Variants in PRAMEF11 observed in about 807,000 individuals in gnomAD.
PRAMEF11 encodes the protein PRAME family member 11.
PRAMEF11 carries 17 observed loss-of-function variants against 33.6 expected under a neutral mutation model. That is an observed-to-expected ratio of 0.51 (90% CI 0.35 to 0.76). The LOEUF (loss-of-function observed/expected upper bound fraction) is 0.76, where lower values mean the gene tolerates loss of function less well. PRAMEF11 is among the 30% of genes least tolerant of loss of function. The probability of loss-of-function intolerance (pLI) is 0.01; values close to 1 mark genes in which losing one functional copy is unlikely to be tolerated. For synonymous variants in PRAMEF11, 205 were observed against 227.3 expected (o/e 0.90, Z 0.88); for missense variants, 568 against 567.0 (o/e 1.00, Z -0.02).
At chr1:12,826,365 A>C (rs533805890) in intron 3 of PRAMEF11, among the ~76,000 whole-genome samples, 1 of 151,316 alleles carries the variant, frequency 6.6e-6, no homozygotes, top group South Asian at 2.1e-4. Flanking sequence ...CATGTTCACC[A>C]AACTGTGGGG....
intron 3 of PRAMEF11, among the ~76,000 whole-genome samples, chr1:12,826,186 C>A (rs1235176223): frequency 6.6e-6 from 1 of 151,072 alleles, no homozygotes; most frequent in Non-Finnish European, 1.5e-5. Context: ...GGTGGGCAGG[C>A]TGCAGGCGTC....
In PRAMEF11 at chr1:12,829,530, A is replaced by G. The variant is rs1205309369; in HGVS notation, c.-16-725T>C. Among the ~76,000 whole-genome samples the G allele has an allele frequency of 2.0e-5, 3 of 151,118 alleles. 1 individual carries two copies. Among genetic ancestry groups the G allele is most frequent in the Admixed American group, 6.6e-5 (1 of 15,092 alleles). On this transcript the variant is annotated intron_variant, in intron 1 of 3. Transcript: ENST00000619922. ...ATTCTTCCTCCTCAGCCTCTCAAGT[A>G]GCTGGGACCACAGTTATGCATCACC... is the stretch of plus-strand genomic sequence containing the variant.
chr1:12,828,473 AC>A (rs1294574374), intron 2 of PRAMEF11, 23 bp downstream of exon 2: 1 of 1,586,774 alleles, frequency 6.3e-7, no homozygotes, highest in East Asian at 2.3e-5. Flanking sequence ...GGCCCTCCCC[AC>A]CAGCCCACCT....
chr1:12,826,388 T>A lies in PRAMEF11; in HGVS notation c.875+861A>T, dbSNP rs561126555. ...CCAAACTGTGGGGCACAAAGCTGATTTTCTGACATGTGCAGGTTTGCTGAG... is the reference window on the plus strand; with the variant it reads ...CCAAACTGTGGGGCACAAAGCTGATATTCTGACATGTGCAGGTTTGCTGAG... On this transcript the variant is annotated intron_variant, in intron 3 of 3. Transcript: ENST00000619922. Among the ~76,000 whole-genome samples, 204 of 147,122 alleles carry A rather than the reference T, an allele frequency of 1.4e-3. 3 individuals carry two copies. The Middle Eastern group carries it at 0.014, about 10-fold the overall frequency.
intron 1 of PRAMEF11, 89 bp from the exon 2 acceptor site, chr1:12,828,894 T>A: frequency 3.2e-6 from 5 of 1,568,950 alleles, no homozygotes; most frequent in Non-Finnish European, 4.4e-6. Flanking sequence ...GTCACTGCTC[T>A]GGCAATGGTG....
At chr1:12,830,142 G>A (rs532271311) in intron 1 of PRAMEF11, among the ~76,000 whole-genome samples, 2 of 151,492 alleles carry the variant, frequency 1.3e-5, no homozygotes, top group African/African-American at 4.8e-5. Context: ...AAGAAAACTT[G>A]AAAGTATCTT....
chr1:12,829,327 C>A lies in PRAMEF11; in HGVS notation c.-16-522G>T, dbSNP rs1479764774. ...TCTCCCTCCCTTCTTTCTTTCTTTC[C>A]TCCTCTCTCTCCCTTCTTTCTTTCT... On this transcript the variant is annotated intron_variant, in intron 1 of 3. Transcript: ENST00000619922. 4.4e-5 allele frequency among the ~76,000 whole-genome samples: 6 copies of A among 136,018 alleles called. 1 individual carries two copies. Among genetic ancestry groups the A allele is most frequent in the Non-Finnish European group, 9.4e-5 (6 of 63,542 alleles). The allele number at this position is 136,018 out of a possible 152,430, so 89.2% of individuals were successfully genotyped here.
At chr1:12,831,312 CT>C (rs1640002452) in intron 1 of PRAMEF11, 43 bp downstream of exon 1, 1 of 151,148 alleles carries the variant, frequency 6.6e-6, no homozygotes, top group African/African-American at 2.4e-5. Flanking sequence ...GACTGACTGA[CT>C]GTAGGTCAGA....
chr1:12,827,581 G>T lies in PRAMEF11; in HGVS notation c.543C>A (p.His181Gln), dbSNP rs777397825. ...LWVKQRRDLLHLCCKKLKILG... is the reference protein window; with the variant it reads ...LWVKQRRDLLQLCCKKLKILG... ...AAATTTTCAGCTTCTTACAGCACAG[G>T]TGTAGTAAATCTCTCCTCTGCTTGA... The change falls in exon 3 of 4, where the codon CAC becomes CAA. Residue 181 changes from histidine to glutamine, a missense_variant. Physicochemically the swap from His to Gln is conservative, Grantham distance 24 (BLOSUM62 0). Transcript: ENST00000619922. 1 of 1,609,640 alleles carries T rather than the reference G, an allele frequency of 6.2e-7. No individual in the cohort carries two copies. The highest frequency in any genetic ancestry group is 8.5e-7 in the Non-Finnish European group (1 of 1,177,730).
intron 3 of PRAMEF11, among the ~76,000 whole-genome samples, chr1:12,826,589 C>T (rs909580637): frequency 3.3e-5 from 5 of 151,166 alleles, no homozygotes; most frequent in Admixed American, 1.3e-4. Flanking sequence ...TGGTGAAAAC[C>T]TGTCTCTACT....
intron 2 of PRAMEF11, 57 bp from the exon 3 acceptor site, chr1:12,827,887 T>G (rs1639909702): frequency 6.3e-7 from 1 of 1,599,918 alleles, no homozygotes. Context: ...GAACTTAAAC[T>G]CCACATCCTG....
Position 12,827,353 on chromosome 1 carries a change from C to T in PRAMEF11, c.771G>A (p.Glu257=), listed in dbSNP as rs1400508773. ...SRYVSPEQKK[E]IVTQFTTQFL... is the part of the protein sequence containing the mutation. ...ACTGAGTGGTGAACTGGGTAACAAT[C>T]TCCTTCTTCTGCTCTGGGGAAACGT... Residue 257 remains glutamate, a synonymous_variant, in exon 3 of 4, where the codon GAG becomes GAA. Transcript: ENST00000619922. The T allele has an allele frequency of 1.9e-6, 3 of 1,598,888 alleles. No individual in the cohort carries two copies. Among genetic ancestry groups the T allele is most frequent in the African/African-American group, 2.7e-5 (2 of 74,688 alleles).
rs4543805 is a variant in PRAMEF11, at chr1:12,826,364, C to G, written c.876-861G>C. Among the ~76,000 whole-genome samples the G allele has an allele frequency of 1.5e-3, 223 of 151,198 alleles. 4 individuals carry two copies. The highest frequency in any genetic ancestry group is 3.4e-3 in the Middle Eastern group (1 of 290). On this transcript the variant is annotated intron_variant, in intron 3 of 3. Transcript: ENST00000619922. ...TAGAGATGGGATCATTCATGTTCACCAAACTGTGGGGCACAAAGCTGATTT... is the reference window on the plus strand; with the variant it reads ...TAGAGATGGGATCATTCATGTTCACGAAACTGTGGGGCACAAAGCTGATTT...
chr1:12,830,442 C>T (rs1041655664), intron 1 of PRAMEF11, among the ~76,000 whole-genome samples: 1 of 151,364 alleles, frequency 6.6e-6, no homozygotes, highest in African/African-American at 2.4e-5. Context: ...CATGCACCCC[C>T]CACAGCCATG....
chr1:12,828,433 G>T (rs1639924737), intron 2 of PRAMEF11, 64 bp downstream of exon 2: 1 of 1,527,036 alleles, frequency 6.5e-7, no homozygotes, highest in South Asian at 1.2e-5. Context: ...CACTTCACAT[G>T]ACCCAGCTGT....
intron 3 of PRAMEF11, among the ~76,000 whole-genome samples, chr1:12,826,983 C>T (rs1278037279): frequency 6.6e-6 from 1 of 151,088 alleles, no homozygotes; most frequent in Non-Finnish European, 1.5e-5. Flanking sequence ...GAAAGGCACC[C>T]TCACTAGATC....
chr1:12,829,018 C>T (rs1202077402), intron 1 of PRAMEF11, among the ~76,000 whole-genome samples: 1 of 151,628 alleles, frequency 6.6e-6, no homozygotes, highest in Admixed American at 6.6e-5. Flanking sequence ...AGCAGGGCCA[C>T]CACGAGCCCT....
chr1:12,830,506 CT>C (rs1426370601), intron 1 of PRAMEF11, among the ~76,000 whole-genome samples: 1 of 151,132 alleles, frequency 6.6e-6, no homozygotes, highest in African/African-American at 2.4e-5. Context: ...GTCAAAGATC[CT>C]TTTTGATTGA....
At position 12,828,662 on chromosome 1, in the gene PRAMEF11, A is replaced by G; in HGVS notation, c.128T>C (p.Met43Thr). The G allele has an allele frequency of 1.2e-6, 2 of 1,610,614 alleles. No homozygotes were observed. The highest frequency in any genetic ancestry group is 2.2e-5 in the East Asian group (1 of 44,456). The change falls in exon 2 of 4, where the codon ATG becomes ACG. Residue 43 changes from methionine to threonine, a missense_variant. By Grantham distance (81) the Met-to-Thr change is moderately conservative. Around this residue, in one of 3 missense-constraint regions of PRAMEF11, gnomAD observed 342 missense variants for 312.0 expected, o/e 1.10. Coordinates refer to ENST00000619922, the MANE Select transcript of PRAMEF11 (RefSeq NM_001146344.3). The part of the protein sequence containing the change: ...LPTELFPPLF[M>T]EAFSRRRCEA... ...ACAGCGTCTCCTGCTGAAGGCCTCC[A>G]TGAACAGTGGGGGGAAAAGTTCCGT...
Sources: allele counts gnomAD v4.1 joint callset (sites outside exome capture counted in the v4.1 genomes callset), GRCh38; gene constraint gnomAD v4.1.1; regional missense constraint gnomAD v4.1.1; transcripts MANE v1.5; gene names NCBI Gene and HGNC (gene_info 2026-07-23, HGNC 2026-07-21).